UBE2H: variants seen among roughly 807,000 people sequenced by gnomAD.
UBE2H encodes ubiquitin-conjugating enzyme E2 H.
UBE2H carries 3 observed loss-of-function variants against 29.0 expected under a neutral mutation model. That is an observed-to-expected ratio of 0.10 (90% confidence interval 0.05 to 0.27). The LOEUF (loss-of-function observed/expected upper bound fraction) is 0.27, where lower values mean the gene tolerates loss of function less well. Ranked by LOEUF, UBE2H falls within the 10% of genes least tolerant of loss-of-function variation. The probability of loss-of-function intolerance (pLI) is 1.00; values close to 1 mark genes in which losing one functional copy is unlikely to be tolerated. For synonymous variants in UBE2H, 69 were observed against 82.9 expected (o/e 0.83, Z 0.91); for missense variants, 68 against 228.2 (o/e 0.30, Z 4.52).
At chr7:129,924,970 CT>C (rs913595699) in intron 1 of UBE2H, among the ~76,000 whole-genome samples, 2 of 151,870 alleles carry the variant, frequency 1.3e-5, no homozygotes, top group Admixed American at 6.6e-5. Flanking sequence ...AAAAGTTTAA[CT>C]TTTTGTTTTC....
At chr7:129,937,051 G>T (rs557504929) in intron 1 of UBE2H, among the ~76,000 whole-genome samples, 1 of 151,808 alleles carries the variant, frequency 6.6e-6, no homozygotes, top group South Asian at 2.1e-4. Context: ...TATGGGCCAG[G>T]TGTGGTGGTG....
intron 2 of UBE2H, among the ~76,000 whole-genome samples, chr7:129,879,905 GGTAAGTAATA>G (rs975519697): frequency 6.6e-6 from 1 of 152,070 alleles, no homozygotes; most frequent in African/African-American, 2.4e-5. Context: ...TCAATTATTT[GGTAAGTAATA>G]GCCATGTTAC....
At chr7:129,899,684 G>A (rs992366587) in intron 1 of UBE2H, among the ~76,000 whole-genome samples, 7 of 152,136 alleles carry the variant, frequency 4.6e-5, no homozygotes, top group East Asian at 3.8e-4. Flanking sequence ...CTCACCTAAC[G>A]TGTGAGACAG....
chr7:129,934,647 A>T (rs1268602374), intron 1 of UBE2H, among the ~76,000 whole-genome samples: 6 of 150,844 alleles, frequency 4.0e-5, no homozygotes, highest in Non-Finnish European at 7.4e-5. Context: ...TTAAAAAAAA[A>T]AAAAAAAAAA....
chr7:129,861,111 G>A (rs1342475595), intron 3 of UBE2H, among the ~76,000 whole-genome samples: 1 of 152,006 alleles, frequency 6.6e-6, no homozygotes. Context: ...TGTAGTCCCA[G>A]CTACTCGGGA....
At chr7:129,910,397 G>C (rs1806908838) in intron 1 of UBE2H, among the ~76,000 whole-genome samples, 1 of 152,000 alleles carries the variant, frequency 6.6e-6, no homozygotes, top group Admixed American at 6.6e-5. Context: ...GTTAGGAAGT[G>C]TCCCTTGAGA....
chr7:129,859,386 C>T (rs896616987), intron 3 of UBE2H, among the ~76,000 whole-genome samples: 4 of 152,170 alleles, frequency 2.6e-5, no homozygotes, highest in Non-Finnish European at 4.4e-5. Context: ...CTTGGCTGCA[C>T]TGTGCACGGA....
At chr7:129,930,089 A>C (rs1260331938) in intron 1 of UBE2H, among the ~76,000 whole-genome samples, 1 of 152,228 alleles carries the variant, frequency 6.6e-6, no homozygotes, top group African/African-American at 2.4e-5. Context: ...CTTTATCATA[A>C]TATGACTTCT....
chr7:129,931,079 G>T (rs766487724), intron 1 of UBE2H, among the ~76,000 whole-genome samples: 3 of 150,970 alleles, frequency 2.0e-5, no homozygotes, highest in African/African-American at 4.9e-5. Flanking sequence ...TTAGCTGGGC[G>T]TGGTGGTGCA....
At chr7:129,884,149 G>A (rs1183635064) in intron 1 of UBE2H, among the ~76,000 whole-genome samples, 1 of 151,946 alleles carries the variant, frequency 6.6e-6, no homozygotes, top group Non-Finnish European at 1.5e-5. Context: ...CAGGCGCGGT[G>A]GCTCACACCT....
At chr7:129,911,814 A>T (rs1332511769) in intron 1 of UBE2H, among the ~76,000 whole-genome samples, 3 of 151,402 alleles carry the variant, frequency 2.0e-5, no homozygotes, top group African/African-American at 2.4e-5. Flanking sequence ...TAATTCTTAA[A>T]TTTTTCTTTG....
chr7:129,889,538 G>A (rs1393285814), intron 1 of UBE2H, among the ~76,000 whole-genome samples: 2 of 152,134 alleles, frequency 1.3e-5, no homozygotes, highest in Non-Finnish European at 1.5e-5. Context: ...GGCCTTCTGG[G>A]ATATCCTATT....
intron 1 of UBE2H, among the ~76,000 whole-genome samples, chr7:129,898,929 A>T (rs1016681593): frequency 3.3e-5 from 5 of 152,038 alleles, no homozygotes; most frequent in Admixed American, 1.3e-4. Context: ...CTTTCCATAG[A>T]GATGTTTATA....
intron 5 of UBE2H, among the ~76,000 whole-genome samples, chr7:129,847,022 A>T (rs1396318109): frequency 1.7e-3 from 238 of 144,034 alleles, no homozygotes; most frequent in African/African-American, 4.7e-3. Flanking sequence ...TATTATTATT[A>T]TTATTATTAT....
chr7:129,863,057 A>G (rs939425056), intron 3 of UBE2H, among the ~76,000 whole-genome samples: 17 of 152,238 alleles, frequency 1.1e-4, no homozygotes, highest in African/African-American at 3.9e-4. Context: ...TAAGCTTTAA[A>G]TGTTTATCAA....
chr7:129,884,494 T>C (rs796374289), intron 1 of UBE2H, among the ~76,000 whole-genome samples: 5 of 152,292 alleles, frequency 3.3e-5, no homozygotes, highest in African/African-American at 1.2e-4. Flanking sequence ...AATAAGTGTT[T>C]CTGATAAATC....
chr7:129,878,162 G>C (rs1806183735), intron 3 of UBE2H, among the ~76,000 whole-genome samples: 2 of 152,164 alleles, frequency 1.3e-5, no homozygotes, highest in Admixed American at 1.3e-4. Context: ...AAAAGGAGAA[G>C]GTGTACAGGC....
chr7:129,849,795 C>T (rs1466380654), intron 5 of UBE2H, among the ~76,000 whole-genome samples: 1 of 151,976 alleles, frequency 6.6e-6, no homozygotes, highest in African/African-American at 2.4e-5. Flanking sequence ...GATAATATAA[C>T]CCGCCACCAA....
intron 1 of UBE2H, among the ~76,000 whole-genome samples, chr7:129,951,923 G>C (rs1193921009): frequency 2.6e-5 from 4 of 152,158 alleles, no homozygotes; most frequent in African/African-American, 9.7e-5. Context: ...AGCTTAACAG[G>C]AGGGACTGAC....
Sources: allele counts gnomAD v4.1 joint callset (sites outside exome capture counted in the v4.1 genomes callset), GRCh38; gene constraint gnomAD v4.1.1; transcripts MANE v1.5; gene names NCBI Gene and HGNC (gene_info 2026-07-23, HGNC 2026-07-21).